ANK3: variants seen among roughly 807,000 people sequenced by gnomAD.
ANK3 encodes ankyrin-3.
Under a neutral mutation model 370.9 loss-of-function variants are expected in ANK3, and 57 were observed. The ratio of observed to expected loss-of-function variants is 0.15; its 90% CI spans 0.12 to 0.19. The LOEUF (loss-of-function observed/expected upper bound fraction) is 0.19, where lower values mean the gene tolerates loss of function less well. Ranked by LOEUF, ANK3 falls within the 10% of genes least tolerant of loss-of-function variation. The pLI, the probability that ANK3 is intolerant of heterozygous loss-of-function variation, is 1.00. For missense variants in ANK3, 4,439 were observed against 5,302.1 expected (o/e 0.84, Z 5.06); for synonymous variants, 1,929 against 1,946.3 (o/e 0.99, Z 0.23).
chr10:60,447,653 C>CA (rs2064485709), intron 2 of ANK3, among the ~76,000 whole-genome samples: 1 of 152,136 alleles, frequency 6.6e-6, no homozygotes, highest in African/African-American at 2.4e-5. Flanking sequence ...TGCTGAATGT[C>CA]AAAAATGACA....
chr10:60,276,433 T>C (rs1026997117), intron 4 of ANK3, among the ~76,000 whole-genome samples: 3 of 152,208 alleles, frequency 2.0e-5, no homozygotes, highest in African/African-American at 7.2e-5. Flanking sequence ...TCCATTCCTC[T>C]GCAGGGTCAT....
chr10:60,149,794 C>T (rs193080323), intron 23 of ANK3, among the ~76,000 whole-genome samples: 5 of 152,278 alleles, frequency 3.3e-5, no homozygotes, highest in African/African-American at 7.2e-5. Context: ...CTGCAACCTC[C>T]GCCTCCTGGG....
At chr10:60,165,109 A>G (rs982048360) in intron 23 of ANK3, among the ~76,000 whole-genome samples, 2 of 152,160 alleles carry the variant, frequency 1.3e-5, no homozygotes, top group African/African-American at 2.4e-5. Context: ...ATCAATGGGG[A>G]TAATTTTAGA....
chr10:60,609,309 G>T (rs1021318676), intron 2 of ANK3, among the ~76,000 whole-genome samples: 1 of 152,106 alleles, frequency 6.6e-6, no homozygotes, highest in African/African-American at 2.4e-5. Context: ...TCATTGCAGA[G>T]CTCTCACTCT....
intron 1 of ANK3, among the ~76,000 whole-genome samples, chr10:60,326,202 A>G (rs1182051362): frequency 6.6e-6 from 1 of 152,170 alleles, no homozygotes; most frequent in African/African-American, 2.4e-5. Context: ...CTGGGTGATG[A>G]AATAATCTGT....
chr10:60,599,074 A>G (rs116815378), intron 2 of ANK3, among the ~76,000 whole-genome samples: 2,794 of 152,166 alleles, frequency 0.018, 75 homozygotes, highest in African/African-American at 0.06. Context: ...GACTACTGGC[A>G]CACACCACTG....
intron 43 of ANK3, among the ~76,000 whole-genome samples, chr10:60,041,067 A>G (rs1037437466): frequency 6.6e-6 from 1 of 152,218 alleles, no homozygotes; most frequent in Admixed American, 6.5e-5. Context: ...TTCTCATCCA[A>G]TAAAAACCAA....
At chr10:60,092,251 C>G (rs950831717) in intron 28 of ANK3, among the ~76,000 whole-genome samples, 1 of 152,090 alleles carries the variant, frequency 6.6e-6, no homozygotes, top group Non-Finnish European at 1.5e-5. Context: ...TTTTGTTGTT[C>G]ATTACTCCTA....
intron 2 of ANK3, among the ~76,000 whole-genome samples, chr10:60,425,385 A>C (rs904320411): frequency 2.6e-5 from 4 of 152,146 alleles, no homozygotes; most frequent in Admixed American, 2.6e-4. Flanking sequence ...CGGAAGAAAT[A>C]TTGGAATACG....
At chr10:60,581,318 G>A (rs1281537787) in intron 2 of ANK3, among the ~76,000 whole-genome samples, 2 of 151,560 alleles carry the variant, frequency 1.3e-5, no homozygotes, top group East Asian at 1.9e-4. Flanking sequence ...CGTTCATAAT[G>A]TGCATTTATC....
intron 2 of ANK3, among the ~76,000 whole-genome samples, chr10:60,595,145 G>C (rs1443224062): frequency 6.6e-6 from 1 of 152,088 alleles, no homozygotes; most frequent in Non-Finnish European, 1.5e-5. Context: ...GCAGGTAAAA[G>C]AGCTTCACGT....
chr10:60,128,057 A>G (rs1457934135), intron 25 of ANK3, among the ~76,000 whole-genome samples: 1 of 152,212 alleles, frequency 6.6e-6, no homozygotes, highest in Non-Finnish European at 1.5e-5. Context: ...AGCACATTGA[A>G]TAAATAAAAG....
At chr10:60,312,398 G>A (rs2046538614) in intron 1 of ANK3, among the ~76,000 whole-genome samples, 2 of 152,310 alleles carry the variant, frequency 1.3e-5, no homozygotes, top group East Asian at 3.9e-4. Context: ...TTGAATGCTA[G>A]AAATGTCTGC....
At chr10:60,579,081 C>T (rs1439259101) in intron 2 of ANK3, among the ~76,000 whole-genome samples, 1 of 151,978 alleles carries the variant, frequency 6.6e-6, no homozygotes, top group Non-Finnish European at 1.5e-5. Flanking sequence ...AATCCCAGCA[C>T]TTTAGGAGGC....
intron 2 of ANK3, among the ~76,000 whole-genome samples, chr10:60,428,005 C>T (rs747010231): frequency 3.9e-5 from 6 of 152,146 alleles, no homozygotes; most frequent in Non-Finnish European, 8.8e-5. Flanking sequence ...AGAAGGCAAT[C>T]TGTACCATAA....
At chr10:60,286,223 T>A (rs1010273079) in intron 1 of ANK3, among the ~76,000 whole-genome samples, 1 of 152,168 alleles carries the variant, frequency 6.6e-6, no homozygotes, top group East Asian at 1.9e-4. Context: ...TTTTAGTTAA[T>A]CACTCTCATG....
At chr10:60,153,161 G>A (rs2095212015) in intron 23 of ANK3, among the ~76,000 whole-genome samples, 1 of 152,202 alleles carries the variant, frequency 6.6e-6, no homozygotes, top group African/African-American at 2.4e-5. Flanking sequence ...TCAATTATAT[G>A]CAGCAGTATG....
chr10:60,174,821 C>T (rs889590055), intron 18 of ANK3, among the ~76,000 whole-genome samples: 9 of 152,162 alleles, frequency 5.9e-5, no homozygotes, highest in African/African-American at 1.7e-4. Context: ...ACTGCAGCCT[C>T]CCCTCCTGGG....
At chr10:60,490,420 C>T (rs117512390) in intron 2 of ANK3, among the ~76,000 whole-genome samples, 3,396 of 152,272 alleles carry the variant, frequency 0.022, 58 homozygotes, top group Middle Eastern at 0.041. Context: ...TGCACCTCCT[C>T]CATCCTTAAC....
Sources: gnomAD v4.1 joint callset for allele counts (sites outside exome capture counted in the v4.1 genomes callset) on GRCh38, gnomAD v4.1.1 for gene constraint, MANE v1.5 for transcripts, NCBI Gene and HGNC (gene_info 2026-07-23, HGNC 2026-07-21) for gene names.